CHD7: variants seen among roughly 807,000 people sequenced by gnomAD.
CHD7 encodes chromodomain helicase DNA binding protein 7.
In CHD7, 24 loss-of-function variants were observed where a neutral mutation model predicts 307.3. The ratio of observed to expected loss-of-function variants is 0.08; its 90% CI spans 0.06 to 0.11. The LOEUF (loss-of-function observed/expected upper bound fraction) is 0.11, where lower values mean the gene tolerates loss of function less well. Ranked by LOEUF, CHD7 falls within the 10% of genes least tolerant of loss-of-function variation. CHD7 has a pLI of 1.00. For synonymous variants in CHD7, 1,363 were observed against 1,349.9 expected, an observed-to-expected ratio of 1.01 and a Z score of -0.21; for missense variants, 3,106 against 3,727.1, an observed-to-expected ratio of 0.83 and a Z score of 4.34.
At chr8:60,736,094 G>C (rs757770718) in intron 1 of CHD7, among the ~76,000 whole-genome samples, 54 of 152,194 alleles carry the variant, frequency 3.5e-4, no homozygotes, top group Non-Finnish European at 6.9e-4. Flanking sequence ...CAACCCAGGG[G>C]GTTCAGGAAG....
chr8:60,742,063 A>G lies in CHD7; in HGVS notation c.631A>G (p.Ser211Gly). Residue 211 changes from serine to glycine, a missense_variant, in exon 2 of 38, where the codon AGC (serine) becomes GGC (glycine). Around this residue, in one of 10 missense-constraint regions of CHD7, gnomAD observed 998 missense variants for 1,004.5 expected, o/e 0.99. Coordinates refer to ENST00000423902, the MANE Select transcript of CHD7 (RefSeq NM_017780.4). ...GCATGGTCAGCCACAGCAGAGGATG[A>G]GCCAGTTTTCCCAAGGCCAAGAGGG... The part of the protein sequence containing the change: ...QQHGQPQQRM[S>G]QFSQGQEGLN... 1 of 1,613,922 alleles carries G rather than the reference A, an allele frequency of 6.2e-7. No individual in the cohort carries two copies. Among genetic ancestry groups the G allele is most frequent in the African/African-American group, 1.3e-5 (1 of 75,032 alleles).
intron 8 of CHD7, 62 bp downstream of exon 8, chr8:60,816,563 AT>A: frequency 9.9e-7 from 1 of 1,005,062 alleles, no homozygotes; most frequent in Non-Finnish European, 1.5e-6. Context: ...TAAATTTAAA[AT>A]TTTAGTTCCA....
chr8:60,808,070 C>G (rs1022641201), intron 6 of CHD7, 147 bp from the exon 7 acceptor site: 57 of 637,138 alleles, frequency 8.9e-5, no homozygotes, highest in Non-Finnish European at 1.5e-4. Flanking sequence ...CTGGCCACCT[C>G]CCAGCACACG....
intron 31 of CHD7, 92 bp from the exon 32 acceptor site, chr8:60,854,271 G>A: frequency 9.0e-7 from 1 of 1,109,946 alleles, no homozygotes; most frequent in East Asian, 2.5e-5. Context: ...AAATGGAGCT[G>A]ATTAGTATTC....
chr8:60,850,295 G>A (rs927496879), intron 25 of CHD7, among the ~76,000 whole-genome samples, 198 bp from the exon 26 acceptor site: 53 of 152,224 alleles, frequency 3.5e-4, no homozygotes, highest in African/African-American at 1.2e-3. Context: ...TCCCTGAAGT[G>A]TAACTTGGCT....
chr8:60,838,737 T>C (rs962560443), intron 19 of CHD7, among the ~76,000 whole-genome samples: 1 of 152,224 alleles, frequency 6.6e-6, no homozygotes, highest in African/African-American at 2.4e-5. Flanking sequence ...TTTCTACTTA[T>C]TTTTCAGCTT....
Position 60,865,722 on chromosome 8 carries a change from A to C in CHD7, c.8783A>C (p.Gln2928Pro), listed in dbSNP as rs749935456. ...LPGFPALAGL[Q>P]NAVGSSEEKA... Reference sequence around the variant, plus strand: ...GGGTTCCCAGCATTGGCAGGACTTCAGAATGCCGTGGGCTCCAGCGAAGAA... The same window carrying C: ...GGGTTCCCAGCATTGGCAGGACTTCCGAATGCCGTGGGCTCCAGCGAAGAA... Residue 2928 changes from glutamine to proline, a missense_variant, in exon 38 of 38, where the codon CAG (glutamine) becomes CCG (proline). Physicochemically the swap from Gln to Pro is moderately conservative, Grantham distance 76. Transcript: ENST00000423902. The surrounding 1 kb of genome is among the most constrained non-coding windows in gnomAD (Gnocchi z 4.3). The C allele has an allele frequency of 6.2e-7, 1 of 1,609,890 alleles. No individual in the cohort carries two copies.
chr8:60,847,901 T>G (rs1563654658), intron 23 of CHD7, among the ~76,000 whole-genome samples: 1 of 152,126 alleles, frequency 6.6e-6, no homozygotes. Context: ...GGAATAAAAA[T>G]GTCTAACATA....
intron 1 of CHD7, among the ~76,000 whole-genome samples, chr8:60,735,440 A>G (rs895518443): frequency 6.6e-6 from 1 of 152,212 alleles, no homozygotes; most frequent in Non-Finnish European, 1.5e-5. Context: ...TATTTTTAAT[A>G]TGATGCTTGG....
chr8:60,696,719 G>A (rs894481165), intron 1 of CHD7, among the ~76,000 whole-genome samples: 2 of 151,848 alleles, frequency 1.3e-5, no homozygotes, highest in East Asian at 1.9e-4. Flanking sequence ...GTATATGGAA[G>A]GAAGGACTCT....
At chr8:60,773,212 A>G (rs1379084230) in intron 2 of CHD7, among the ~76,000 whole-genome samples, 1 of 152,204 alleles carries the variant, frequency 6.6e-6, no homozygotes, top group Non-Finnish European at 1.5e-5. Flanking sequence ...TCTTACTGCA[A>G]TAAACTTTGT....
intron 3 of CHD7, among the ~76,000 whole-genome samples, chr8:60,792,568 T>C (rs1811826224): frequency 1.3e-5 from 2 of 152,198 alleles, no homozygotes; most frequent in African/African-American, 2.4e-5. Flanking sequence ...GTCTAAACAT[T>C]TGGAGAGGGA....
intron 35 of CHD7, chr8:60,861,351 A>G (rs927886987): frequency 2.1e-6 from 1 of 475,020 alleles, no homozygotes; most frequent in Non-Finnish European, 3.7e-6. Context: ...GATGCGCGTT[A>G]TGCATTTCCT....
Position 60,852,949 on chromosome 8 carries a change from G to A in CHD7, c.6224G>A (p.Gly2075Glu). Residue 2075 changes from glycine to glutamate, a missense_variant, in exon 31 of 38, where the codon GGA (glycine) becomes GAA (glutamate). By Grantham distance (98) the Gly-to-Glu change is moderately conservative. Coordinates refer to ENST00000423902, the MANE Select transcript of CHD7 (RefSeq NM_017780.4). ...CAGGTTCTCCATCACCCCCAGCTGG[G>A]AGAGAGGCTTAAGCTCTGCCAGCCA... is the stretch of plus-strand genomic sequence containing the variant. ...REQVLHHPQL[G>E]ERLKLCQPSL... The A allele has an allele frequency of 1.2e-6, 2 of 1,613,994 alleles. No homozygotes were observed. Among genetic ancestry groups the A allele is most frequent in the South Asian group, 1.1e-5 (1 of 91,084 alleles).
At chr8:60,808,158 T>C (rs1189419903) in intron 6 of CHD7, 59 bp from the exon 7 acceptor site, 1 of 1,189,002 alleles carries the variant, frequency 8.4e-7, no homozygotes, top group Middle Eastern at 2.0e-4. Context: ...AAATCATTAC[T>C]TTTAAAATAT....
At chr8:60,689,838 A>T (rs1806108027) in intron 1 of CHD7, among the ~76,000 whole-genome samples, 1 of 152,246 alleles carries the variant, frequency 6.6e-6, no homozygotes, top group South Asian at 2.1e-4. Context: ...CGTAGCCGAC[A>T]TCAAAGTATT....
intron 3 of CHD7, among the ~76,000 whole-genome samples, chr8:60,791,183 A>G (rs866658465): frequency 4.6e-5 from 7 of 152,322 alleles, no homozygotes; most frequent in East Asian, 1.9e-4. Context: ...TGGCATTACC[A>G]TGATGCTGAG....
intron 1 of CHD7, among the ~76,000 whole-genome samples, chr8:60,734,344 G>A (rs955317085): frequency 6.6e-6 from 1 of 152,190 alleles, no homozygotes; most frequent in African/African-American, 2.4e-5. Context: ...GCTCCCGGGG[G>A]TGCCAGGGGT....
Position 60,856,520 on chromosome 8 carries a change from G to A in CHD7, c.7240G>A (p.Ala2414Thr). The change falls in exon 34 of 38, where the codon GCT becomes ACT. Residue 2414 changes from alanine (A) to threonine (T), a missense_variant. Ala to Thr is a moderately conservative substitution (Grantham distance 58). This residue lies in a region of CHD7 where 1,030 missense variants were observed against 1,165.4 expected (regional missense o/e 0.88). Transcript: ENST00000423902. ...RRKIEIEAER[A>T]AKRRNLMEMV... is the part of the protein sequence containing the mutation. ...AAAAATCGAAATTGAGGCCGAAAGAGCTGCCAAGAGGCGAAATCTCATGGA... is the reference window on the plus strand; with the variant it reads ...AAAAATCGAAATTGAGGCCGAAAGAACTGCCAAGAGGCGAAATCTCATGGA... 7 of 1,613,994 alleles carry A rather than the reference G, an allele frequency of 4.3e-6. No homozygotes were observed. Among genetic ancestry groups the A allele is most frequent in the Non-Finnish European group, 5.9e-6 (7 of 1,179,894 alleles).
Sources: gnomAD v4.1 joint callset for allele counts (sites outside exome capture counted in the v4.1 genomes callset) on GRCh38, gnomAD v4.1.1 for gene constraint, gnomAD v4.1.1 regional missense constraint, Gnocchi (gnomAD v3.1) non-coding constraint, MANE v1.5 for transcripts, NCBI Gene and HGNC (gene_info 2026-07-23, HGNC 2026-07-21) for gene names.